The following DNHD1 variants were observed in gnomAD, a reference collection of about 807,000 sequenced individuals.
DNHD1 encodes the protein dynein heavy chain domain-containing protein 1.
Under a neutral mutation model 458.1 loss-of-function variants are expected in DNHD1, and 383 were observed. The observed-to-expected ratio is 0.84, with a 90% confidence interval of 0.77 to 0.91. The LOEUF is 0.91. DNHD1 is among the 40% of genes least tolerant of loss of function. The pLI is 0.00. For missense variants in DNHD1, 5,336 were observed against 5,866.1 expected, an observed-to-expected ratio of 0.91 and a Z score of 2.95; for synonymous variants, 2,203 against 2,376.9, an observed-to-expected ratio of 0.93 and a Z score of 2.13.
At chr11:6,564,229 T>C in intron 31 of DNHD1, 104 bp from the exon 32 acceptor site, 1 of 1,455,838 alleles carries the variant, frequency 6.9e-7, no homozygotes. Flanking sequence ...CTGCACTCCT[T>C]GCCGTACTTT....
chr11:6,526,181 T>G (rs576311788), intron 10 of DNHD1, among the ~76,000 whole-genome samples: 1 of 152,170 alleles, frequency 6.6e-6, no homozygotes, highest in Non-Finnish European at 1.5e-5. Context: ...CCTTCTATTT[T>G]TCTTGAGAAA....
intron 40 of DNHD1, 32 bp downstream of exon 40, chr11:6,570,132 C>G: frequency 6.2e-7 from 1 of 1,613,596 alleles, no homozygotes; most frequent in South Asian, 1.1e-5. Context: ...TTGGAGTCAT[C>G]AGCCCCCAGG....
At chr11:6,522,717 T>G (rs1852628617) in intron 10 of DNHD1, among the ~76,000 whole-genome samples, 2 of 152,142 alleles carry the variant, frequency 1.3e-5, no homozygotes, top group Non-Finnish European at 2.9e-5. Context: ...CTGAGAAAAC[T>G]GTTACTTAAA....
chr11:6,551,001 C>T (rs1853329765), intron 24 of DNHD1, among the ~76,000 whole-genome samples: 1 of 152,176 alleles, frequency 6.6e-6, no homozygotes, highest in Admixed American at 6.5e-5. Context: ...ACACTAGCAA[C>T]ACACTGACAT....
chr11:6,507,389 T>G (rs11604960), intron 4 of DNHD1, among the ~76,000 whole-genome samples: 79,294 of 152,070 alleles, frequency 0.52, 21,170 homozygotes, highest in African/African-American at 0.57. Context: ...TGGATTGATA[T>G]AATAGGTGTA....
chr11:6,528,473 G>A, intron 10 of DNHD1, 49 bp from the exon 11 acceptor site: 1 of 1,508,674 alleles, frequency 6.6e-7, no homozygotes, highest in Non-Finnish European at 8.9e-7. Context: ...AAGATTGTTT[G>A]TGGGCTCTGG....
intron 17 of DNHD1, 30 bp downstream of exon 17, chr11:6,539,343 G>A (rs1853040655): frequency 4.0e-6 from 6 of 1,489,822 alleles, no homozygotes; most frequent in Non-Finnish European, 5.5e-6. Flanking sequence ...GGCGAGGGAG[G>A]TGGTCCAAAG....
Position 6,555,143 on chromosome 11 carries a change from A to G in DNHD1, c.7388-1540A>G, listed in dbSNP as rs143206085. Among the ~76,000 whole-genome samples the G allele has an allele frequency of 2.4e-3, 358 of 151,970 alleles. 1 individual carries two copies. Among genetic ancestry groups the G allele is most frequent in the African/African-American group, 8.2e-3 (341 of 41,446 alleles). Reference sequence around the variant, plus strand: ...GAAAACTTAAAATGACCCACACCCTATTCCCTTACATATACTGCCAGTCCC... The same window carrying G: ...GAAAACTTAAAATGACCCACACCCTGTTCCCTTACATATACTGCCAGTCCC... On this transcript the variant is annotated intron_variant, in intron 24 of 42. Transcript: ENST00000254579.
In DNHD1 at chr11:6,547,087, T is replaced by A. The variant is rs1853236217; in HGVS notation, c.6148T>A (p.Trp2050Arg). ...CCTGGGATGGCTAGAGGGCTCCTGC[T>A]GGCATCATGGCATCTTTCCCAAGGT... is the stretch of plus-strand genomic sequence containing the variant. ...EFLGWLEGSCWHHGIFPKVLR... is the reference protein window; with the variant it reads ...EFLGWLEGSCRHHGIFPKVLR... Residue 2050 changes from tryptophan (W) to arginine (R), a missense_variant, in exon 21 of 43, where the codon TGG (tryptophan) becomes AGG (arginine). Transcript: ENST00000254579. The A allele has an allele frequency of 6.4e-7, 1 of 1,551,750 alleles. No homozygotes were observed. The highest frequency in any genetic ancestry group is 2.4e-5 in the East Asian group (1 of 40,914).
At chr11:6,531,713 C>T (rs1471875740) in intron 12 of DNHD1, among the ~76,000 whole-genome samples, 1 of 152,184 alleles carries the variant, frequency 6.6e-6, no homozygotes, top group Non-Finnish European at 1.5e-5. Flanking sequence ...ACCCAGTCAT[C>T]TTGGTTACTT....
In DNHD1 at chr11:6,545,539, G is replaced by A. The variant is rs556776574; in HGVS notation, c.4600G>A (p.Ala1534Thr). ...EEALLEWGTL[A>T]MVSMHMRKLE... is the part of the protein sequence containing the mutation. ...GGCTCTGCTTGAGTGGGGTACCCTG[G>A]CCATGGTCTCCATGCATATGCGCAA... The change falls in exon 21 of 43, where the codon GCC becomes ACC. Residue 1534 changes from alanine to threonine, a missense_variant. Coordinates refer to ENST00000254579, the MANE Select transcript of DNHD1 (RefSeq NM_144666.3). The surrounding 1 kb of genome is among the most constrained non-coding windows in gnomAD (Gnocchi z 4.9). The A allele has an allele frequency of 1.9e-6, 3 of 1,551,878 alleles. No individual in the cohort carries two copies. Among genetic ancestry groups the A allele is most frequent in the African/African-American group, 1.4e-5 (1 of 73,188 alleles).
chr11:6,553,209 G>GA (rs1411475458), intron 24 of DNHD1, among the ~76,000 whole-genome samples: 1 of 152,254 alleles, frequency 6.6e-6, no homozygotes, highest in East Asian at 1.9e-4. Context: ...ACTAAACATT[G>GA]AAAAATCAAT....
chr11:6,529,951 C>G (rs561043506), intron 12 of DNHD1, among the ~76,000 whole-genome samples: 1 of 152,170 alleles, frequency 6.6e-6, no homozygotes, highest in Non-Finnish European at 1.5e-5. Flanking sequence ...AGGCTGGCTA[C>G]CCCCATGGCT....
chr11:6,498,488 G>C lies in DNHD1; in HGVS notation c.273G>C (p.Leu91=). The C allele has an allele frequency of 6.2e-7, 1 of 1,614,194 alleles. No homozygotes were observed. The highest frequency in any genetic ancestry group is 8.5e-7 in the Non-Finnish European group (1 of 1,180,026). ...WRYLHAVLGL[L]PPYRELLVGH... ...ATCTTCATGCAGTACTGGGTCTACT[G>C]CCTCCATATCGTGAGTTGCTAGTTG... Residue 91 remains leucine (L), a synonymous_variant, in exon 3 of 43, where the codon CTG becomes CTC. Transcript: ENST00000254579.
At position 6,568,567 on chromosome 11, in the gene DNHD1, T is replaced by G; in HGVS notation, c.12652T>G (p.Ser4218Ala). 6.2e-7 allele frequency: 1 copy of G among 1,613,996 alleles called. No homozygotes were observed. The change falls in exon 38 of 43, where the codon TCT becomes GCT. Residue 4218 changes from serine (S) to alanine (A), a missense_variant. Around this residue, in one of 4 missense-constraint regions of DNHD1, gnomAD observed 695 missense variants for 804.2 expected, o/e 0.86. Transcript: ENST00000254579. ...WLIVPAESSASLPAVLTQHSM... is the reference protein window; with the variant it reads ...WLIVPAESSAALPAVLTQHSM... ...TATTGTGCCTGCAGAGTCTAGTGCT[T>G]CTTTGCCAGGTGAGGAGCTTAACCC...
At chr11:6,512,430 G>C (rs369238852) in intron 7 of DNHD1, among the ~76,000 whole-genome samples, 1 of 151,530 alleles carries the variant, frequency 6.6e-6, no homozygotes, top group Non-Finnish European at 1.5e-5. Flanking sequence ...CACTGTGTTA[G>C]CCAGGATGGT....
intron 21 of DNHD1, 73 bp downstream of exon 21, chr11:6,547,739 G>A (rs1225963721): frequency 2.0e-6 from 3 of 1,480,940 alleles, no homozygotes; most frequent in Non-Finnish European, 2.7e-6. Flanking sequence ...CTGGAGCCTG[G>A]GGCGTGTGTT....
Position 6,559,018 on chromosome 11 carries a change from G to T in DNHD1, c.9328G>T (p.Val3110Phe). The change falls in exon 27 of 43, where the codon GTC becomes TTC. Residue 3110 changes from valine to phenylalanine, a missense_variant. Coordinates refer to ENST00000254579, the MANE Select transcript of DNHD1 (RefSeq NM_144666.3). ...GCACCTGTGCCCTGCATTGCCACTC[G>T]TCACCCCCAAGACCTTCCTAGACTT... ...HEHLCPALPLVTPKTFLDFLD... is the reference protein window; with the variant it reads ...HEHLCPALPLFTPKTFLDFLD... The T allele has an allele frequency of 1.3e-6, 2 of 1,551,602 alleles. No homozygotes were observed. The highest frequency in any genetic ancestry group is 1.7e-6 in the Non-Finnish European group (2 of 1,146,978).
intron 12 of DNHD1, among the ~76,000 whole-genome samples, chr11:6,532,241 A>G (rs1489571113): frequency 2.0e-5 from 3 of 152,170 alleles, no homozygotes; most frequent in African/African-American, 7.2e-5. Flanking sequence ...TAGAGTTTAG[A>G]TGGCATCAGT....
Sources: gnomAD v4.1 joint callset for allele counts (sites outside exome capture counted in the v4.1 genomes callset) on GRCh38, gnomAD v4.1.1 for gene constraint, gnomAD v4.1.1 regional missense constraint, Gnocchi (gnomAD v3.1) non-coding constraint, MANE v1.5 for transcripts, NCBI Gene and HGNC (gene_info 2026-07-23, HGNC 2026-07-21) for gene names.